The following COL28A1 variants were observed in gnomAD, a reference collection of about 807,000 sequenced individuals.
COL28A1 encodes the protein collagen type XXVIII alpha 1 chain.
A neutral mutation model predicts 150.2 loss-of-function variants in COL28A1; 161 were observed. The observed-to-expected ratio is 1.07, with a 90% CI of 0.94 to 1.22. COL28A1 has a LOEUF of 1.22. Among genes scored for constraint, COL28A1 ranks in the 50% most tolerant of loss-of-function variants. The pLI is 0.00. For synonymous variants in COL28A1, 552 were observed against 469.7 expected, an observed-to-expected ratio of 1.18 and a Z score of -2.26; for missense variants, 1,617 against 1,388.3, an observed-to-expected ratio of 1.16 and a Z score of -2.62.
chr7:7,483,440 C>T (rs1779459411), intron 13 of COL28A1, among the ~76,000 whole-genome samples: 1 of 152,082 alleles, frequency 6.6e-6, no homozygotes, highest in African/African-American at 2.4e-5. Context: ...TTGGCTTGGG[C>T]TCATAATGAC....
intron 27 of COL28A1, among the ~76,000 whole-genome samples, chr7:7,406,800 A>T (rs1783516054): frequency 6.6e-6 from 1 of 152,168 alleles, no homozygotes; most frequent in South Asian, 2.1e-4. Flanking sequence ...AGTGAGATGC[A>T]AGATAAAGTC....
At chr7:7,386,885 G>A (rs190386482) in intron 27 of COL28A1, among the ~76,000 whole-genome samples, 31 of 152,284 alleles carry the variant, frequency 2.0e-4, no homozygotes, top group Non-Finnish European at 4.6e-4. Flanking sequence ...AGTTCTGGAG[G>A]CTAGAAAGCC....
At chr7:7,500,908 A>G (rs1398493299) in intron 11 of COL28A1, among the ~76,000 whole-genome samples, 5 of 152,196 alleles carry the variant, frequency 3.3e-5, no homozygotes, top group Non-Finnish European at 5.9e-5. Context: ...TGAACTAAAT[A>G]TATCATGTAC....
At chr7:7,514,801 C>G (rs551407432) in intron 8 of COL28A1, among the ~76,000 whole-genome samples, 2 of 152,176 alleles carry the variant, frequency 1.3e-5, no homozygotes, top group African/African-American at 4.8e-5. Context: ...TGAGCACACA[C>G]GTGAAGATGC....
At chr7:7,348,316 C>T in the COL28A1 span, among the ~76,000 whole-genome samples, 1 of 152,000 alleles carries the variant, frequency 6.6e-6, no homozygotes, top group African/African-American at 2.4e-5. Flanking sequence ...CTCAAAACTC[C>T]AGCTTCTCCC....
At chr7:7,416,564 G>A (rs1784086011) in intron 27 of COL28A1, among the ~76,000 whole-genome samples, 1 of 152,174 alleles carries the variant, frequency 6.6e-6, no homozygotes, top group Non-Finnish European at 1.5e-5. Context: ...TCTAACCACA[G>A]AATTTAAAGA....
intron 25 of COL28A1, among the ~76,000 whole-genome samples, chr7:7,422,085 A>C (rs80074674): frequency 1.3e-5 from 2 of 152,160 alleles, no homozygotes; most frequent in African/African-American, 2.4e-5. Flanking sequence ...AAGTTCTCCA[A>C]CTACACCTGA....
chr7:7,493,055 A>T (rs1174199148), intron 11 of COL28A1, among the ~76,000 whole-genome samples: 1 of 142,902 alleles, frequency 7.0e-6, no homozygotes, highest in Non-Finnish European at 1.5e-5. Context: ...ACATTAATAT[A>T]TAATATATAT....
chr7:7,523,453 T>C (rs1562907193), intron 4 of COL28A1, among the ~76,000 whole-genome samples: 1 of 151,722 alleles, frequency 6.6e-6, no homozygotes, highest in Non-Finnish European at 1.5e-5. Context: ...CGACCATGCC[T>C]GGCCGTTTTT....
At chr7:7,351,117 C>A in the COL28A1 span, among the ~76,000 whole-genome samples, 1 of 152,020 alleles carries the variant, frequency 6.6e-6, no homozygotes. Flanking sequence ...GAGGTGGAAT[C>A]CATAAGAGTA....
At chr7:7,482,669 A>AAAGC (rs1240323013) in intron 13 of COL28A1, among the ~76,000 whole-genome samples, 1 of 152,174 alleles carries the variant, frequency 6.6e-6, no homozygotes, top group East Asian at 1.9e-4. Context: ...TATGACTTGG[A>AAAGC]AAGCAAGCAA....
chr7:7,352,319 A>G (rs1780248662), downstream of COL28A1, among the ~76,000 whole-genome samples: 1 of 152,204 alleles, frequency 6.6e-6, no homozygotes, highest in South Asian at 2.1e-4. Context: ...CAGAGGACAC[A>G]GCTGTTGTGG....
chr7:7,465,351 C>A (rs1449830450), intron 15 of COL28A1, among the ~76,000 whole-genome samples: 1 of 141,516 alleles, frequency 7.1e-6, no homozygotes, highest in Non-Finnish European at 1.5e-5. Flanking sequence ...GACGGACGCA[C>A]CTGGAAAATC....
At chr7:7,346,460 G>T in the COL28A1 span, among the ~76,000 whole-genome samples, 1 of 151,938 alleles carries the variant, frequency 6.6e-6, no homozygotes, top group Non-Finnish European at 1.5e-5. Context: ...AATTAGAAAA[G>T]CCCTCCCTCT....
chr7:7,473,343 G>GAA (rs201522778), intron 15 of COL28A1, among the ~76,000 whole-genome samples: 1 of 151,834 alleles, frequency 6.6e-6, no homozygotes, highest in African/African-American at 2.4e-5. Context: ...AAATTATCAA[G>GAA]AAAAAAACAA....
rs80030718 is a variant in COL28A1, at chr7:7,358,696, A to G, written c.3315T>C (p.Cys1105=). The G allele has an allele frequency of 1.9e-6, 3 of 1,614,062 alleles. No homozygotes were observed. Among genetic ancestry groups the G allele is most frequent in the African/African-American group, 2.7e-5 (2 of 75,022 alleles). ...TGTTGAATCTATTTCCTGAGCCATT[A>G]CAGCCACTGAACCAAAATCGGGCAC... ...NSCARFWFSG[C]NGSGNRFNSE... Residue 1105 remains cysteine, a synonymous_variant, in exon 35 of 35, where the codon TGT becomes TGC. Transcript: ENST00000399429.
At chr7:7,479,616 G>A (rs1237558278) in intron 13 of COL28A1, among the ~76,000 whole-genome samples, 1 of 152,200 alleles carries the variant, frequency 6.6e-6, no homozygotes, top group Admixed American at 6.5e-5. Flanking sequence ...CCCACAGGCA[G>A]TTTTATATGC....
chr7:7,374,042 T>TAC (rs1266551567), intron 31 of COL28A1, among the ~76,000 whole-genome samples: 6 of 124,628 alleles, frequency 4.8e-5, no homozygotes, highest in Non-Finnish European at 8.0e-5. Flanking sequence ...AAAAAAAATA[T>TAC]ATATATATAT....
intron 18 of COL28A1, among the ~76,000 whole-genome samples, chr7:7,450,669 G>T (rs2128328286): frequency 6.6e-6 from 1 of 152,248 alleles, no homozygotes; most frequent in South Asian, 2.1e-4. Flanking sequence ...ACCTCTAACT[G>T]TCTATCTTCT....
Sources: allele counts gnomAD v4.1 joint callset (sites outside exome capture counted in the v4.1 genomes callset), GRCh38; gene constraint gnomAD v4.1.1; transcripts MANE v1.5; gene names NCBI Gene and HGNC (gene_info 2026-07-23, HGNC 2026-07-21).